Variants in LNX1 observed in about 807,000 individuals in gnomAD.
LNX1 encodes E3 ubiquitin-protein ligase LNX.
In LNX1, 54 loss-of-function variants were observed where a neutral mutation model predicts 68.4. That is an observed-to-expected ratio of 0.79 (90% confidence interval 0.63 to 0.99). The LOEUF (loss-of-function observed/expected upper bound fraction) is 0.99. Among genes scored for constraint, LNX1 ranks in the 50% least tolerant of loss-of-function variants. The pLI is 0.00. For missense variants in LNX1, 906 were observed against 926.4 expected (o/e 0.98, Z 0.29); for synonymous variants, 336 against 350.0 (o/e 0.96, Z 0.45).
chr4:53,507,906 A>G (rs1329420963), intron 3 of LNX1, 80 bp downstream of exon 3: 2 of 1,514,108 alleles, frequency 1.3e-6, no homozygotes, highest in Non-Finnish European at 1.8e-6. Context: ...ACATTTACAG[A>G]ACTTTCCACA....
At chr4:53,500,295 G>A (rs1320498566) in intron 4 of LNX1, 2 of 151,924 alleles carry the variant, frequency 1.3e-5, no homozygotes, top group Non-Finnish European at 1.5e-5. Context: ...GAAGTGTTCA[G>A]AGGGGACACC....
At chr4:53,473,751 G>A (rs1168430394) in intron 9 of LNX1, among the ~76,000 whole-genome samples, 1 of 152,036 alleles carries the variant, frequency 6.6e-6, no homozygotes, top group African/African-American at 2.4e-5. Flanking sequence ...ACAAACCCCT[G>A]TGACATGAGT....
intron 6 of LNX1, among the ~76,000 whole-genome samples, chr4:53,492,734 G>C (rs528705804): frequency 2.6e-5 from 4 of 152,284 alleles, no homozygotes; most frequent in African/African-American, 9.6e-5. Context: ...TCAAGTCACT[G>C]GGTAAATAGA....
intron 9 of LNX1, among the ~76,000 whole-genome samples, chr4:53,465,673 A>T (rs184528611): frequency 1.1e-3 from 169 of 152,370 alleles, no homozygotes; most frequent in African/African-American, 3.9e-3. Flanking sequence ...AGAACTTTTT[A>T]AAAATTCTGA....
chr4:53,521,047 C>T (rs1236324523), intron 2 of LNX1, among the ~76,000 whole-genome samples: 1 of 152,160 alleles, frequency 6.6e-6, no homozygotes, highest in Non-Finnish European at 1.5e-5. Flanking sequence ...TTTTGGGAAA[C>T]TGGGCTATGG....
intron 2 of LNX1, among the ~76,000 whole-genome samples, chr4:53,614,663 T>A (rs1320488623): frequency 6.6e-6 from 1 of 152,250 alleles, no homozygotes; most frequent in African/African-American, 2.4e-5. Context: ...TAGGGTCTAA[T>A]AAAAGTAATA....
chr4:53,553,171 C>T (rs1288540113), intron 2 of LNX1, among the ~76,000 whole-genome samples: 2 of 152,096 alleles, frequency 1.3e-5, no homozygotes, highest in Non-Finnish European at 2.9e-5. Flanking sequence ...GGTAGAAGTT[C>T]CTGATGCATA....
chr4:53,640,939 G>A (rs1195662287), intron 1 of LNX1, among the ~76,000 whole-genome samples: 2 of 152,194 alleles, frequency 1.3e-5, no homozygotes, highest in South Asian at 2.1e-4. Flanking sequence ...TCCTTCCGGG[G>A]CCTTCCTCAA....
At chr4:53,563,097 T>G (rs1403725788) in intron 2 of LNX1, among the ~76,000 whole-genome samples, 1 of 151,916 alleles carries the variant, frequency 6.6e-6, no homozygotes, top group Non-Finnish European at 1.5e-5. Context: ...TCCCAGCTAC[T>G]CGGGAGGCTG....
intron 9 of LNX1, among the ~76,000 whole-genome samples, chr4:53,470,404 G>A (rs1304158664): frequency 2.0e-5 from 3 of 152,264 alleles, no homozygotes; most frequent in African/African-American, 7.2e-5. Flanking sequence ...GCAAAAACTG[G>A]AAGCATTCAC....
intron 9 of LNX1, among the ~76,000 whole-genome samples, chr4:53,470,163 C>T (rs1348763120): frequency 6.6e-6 from 1 of 152,164 alleles, no homozygotes; most frequent in African/African-American, 2.4e-5. Flanking sequence ...GGGCTTCATC[C>T]CTGGGATGGA....
intron 2 of LNX1, among the ~76,000 whole-genome samples, chr4:53,598,186 T>C (rs1367702142): frequency 6.6e-6 from 1 of 152,182 alleles, no homozygotes; most frequent in African/African-American, 2.4e-5. Flanking sequence ...TTGATGCCTG[T>C]TCTGCACTCG....
chr4:53,649,346 A>T (rs529045757), intron 1 of LNX1, among the ~76,000 whole-genome samples: 1 of 152,334 alleles, frequency 6.6e-6, no homozygotes, highest in South Asian at 2.1e-4. Flanking sequence ...CCACAAGGCG[A>T]CTACTATTAC....
chr4:53,530,166 G>A (rs1727919480), intron 2 of LNX1, among the ~76,000 whole-genome samples: 1 of 152,182 alleles, frequency 6.6e-6, no homozygotes, highest in Non-Finnish European at 1.5e-5. Context: ...GAGCAATTTG[G>A]TTATAGAGTT....
At chr4:53,647,925 G>A (rs1423036001) in intron 1 of LNX1, among the ~76,000 whole-genome samples, 2 of 152,240 alleles carry the variant, frequency 1.3e-5, no homozygotes, top group African/African-American at 4.8e-5. Context: ...CAACCATGAT[G>A]TGGCATGTGC....
rs766198872 is a variant in LNX1 at position 53,586,953 on chromosome 4, AGT to A, written c.-87+4433_-87+4434del. The stretch of plus-strand genomic sequence containing the variant: ...TAAGGTAATCTTCACTTTACAGATG[AGT>A]GTATGTGCAGCTGAAAAACACAAAT... On this transcript the variant is annotated intron_variant, in intron 1 of 10. Transcript: ENST00000263925. Among the ~76,000 whole-genome samples the A allele has an allele frequency of 2.4e-4, 37 of 152,198 alleles. 1 individual carries two copies. Among genetic ancestry groups the A allele is most frequent in the Non-Finnish European group, 3.7e-4 (25 of 68,034 alleles).
chr4:53,568,210 C>T (rs1300332686), intron 2 of LNX1, among the ~76,000 whole-genome samples: 2 of 151,794 alleles, frequency 1.3e-5, no homozygotes, highest in African/African-American at 4.9e-5. Context: ...GAATTTTAGA[C>T]CAATATCCTT....
At chr4:53,561,209 G>A (rs1446780826) in intron 2 of LNX1, among the ~76,000 whole-genome samples, 3 of 152,070 alleles carry the variant, frequency 2.0e-5, no homozygotes, top group Non-Finnish European at 4.4e-5. Context: ...ACTTTTCATA[G>A]GTAATAGTCC....
chr4:53,607,148 A>G (rs1002102320), intron 2 of LNX1, among the ~76,000 whole-genome samples: 5 of 152,172 alleles, frequency 3.3e-5, no homozygotes, highest in South Asian at 4.1e-4. Flanking sequence ...AAGGCATCCA[A>G]ATAGAAAGAG....
Sources: allele counts gnomAD v4.1 joint callset (sites outside exome capture counted in the v4.1 genomes callset), GRCh38; gene constraint gnomAD v4.1.1; transcripts MANE v1.5; gene names NCBI Gene and HGNC (gene_info 2026-07-23, HGNC 2026-07-21).